MUL1: variants seen among roughly 807,000 people sequenced by gnomAD.
The protein encoded by MUL1 is mitochondrial ubiquitin ligase activator of NFKB 1.
Under a neutral mutation model 34.1 loss-of-function variants are expected in MUL1, and 30 were observed. The ratio of observed to expected loss-of-function variants is 0.88; its 90% CI spans 0.66 to 1.19. The LOEUF is 1.19. Ranked by LOEUF, MUL1 falls within the 50% of genes most tolerant of loss-of-function variation. The pLI is 0.00. For synonymous variants in MUL1, 191 were observed against 187.8 expected (o/e 1.02, Z -0.14); for missense variants, 419 against 450.5 (o/e 0.93, Z 0.63).
intron 1 of MUL1, among the ~76,000 whole-genome samples, chr1:20,506,645 T>A (rs1415300194): frequency 6.7e-6 from 1 of 149,822 alleles, no homozygotes; most frequent in Non-Finnish European, 1.5e-5. Context: ...AAGTCAGGAG[T>A]TGGAGACCAG....
rs1348193081 is a variant in MUL1, at chr1:20,507,163, C to T, written c.120+742G>A. On this transcript the variant is annotated intron_variant, in intron 1 of 3. Coordinates refer to ENST00000264198, the MANE Select transcript of MUL1 (RefSeq NM_024544.3). ...CCCGGGAGGCAGGGGCTGCAGTGAG[C>T]CCAGATCCCGCCACTGCACTCCAGC... 2.0e-5 allele frequency among the ~76,000 whole-genome samples: 3 copies of T among 152,156 alleles called. No homozygotes were observed. The East Asian group carries it at 5.8e-4, about 29-fold the overall frequency.
In MUL1 at chr1:20,501,070, C is replaced by G. The variant is rs1451145153; in HGVS notation, c.679G>C (p.Asp227His). ...GACTCCTGCCTCTGCAGCAGGCTGT[C>G]GAAGTCCTGGCTGCTTAGATAGTAC... ...MQYYLSSQDF[D>H]SLLQRQESSV... is the part of the protein sequence containing the mutation. Residue 227 changes from aspartate to histidine, a missense_variant, in exon 4 of 4, where the codon GAC (aspartate) becomes CAC (histidine). Asp to His is a moderately conservative substitution (Grantham distance 81, BLOSUM62 -1). Coordinates refer to ENST00000264198, the MANE Select transcript of MUL1 (RefSeq NM_024544.3). The surrounding 1 kb of genome is among the most constrained non-coding windows in gnomAD (Gnocchi z 4.2). 1 of 1,614,020 alleles carries G rather than the reference C, an allele frequency of 6.2e-7. No individual in the cohort carries two copies. Among genetic ancestry groups the G allele is most frequent in the Non-Finnish European group, 8.5e-7 (1 of 1,180,058 alleles).
Position 20,500,838 on chromosome 1 carries a change from A to G in MUL1, c.911T>C (p.Val304Ala), listed in dbSNP as rs767008568. Reference sequence around the variant, plus strand: ...GCAGGACTTGAAGCTGCTCAGACACACTACACAGGCGCTCTTCAGACTCTC... The same window carrying G: ...GCAGGACTTGAAGCTGCTCAGACACGCTACACAGGCGCTCTTCAGACTCTC... The part of the protein sequence containing the change: ...DRESLKSACV[V>A]CLSSFKSCVF... Residue 304 changes from valine (V) to alanine (A), a missense_variant, in exon 4 of 4, where the codon GTG becomes GCG. Transcript: ENST00000264198. 3 of 1,613,948 alleles carry G rather than the reference A, an allele frequency of 1.9e-6. No individual in the cohort carries two copies. The highest frequency in any genetic ancestry group is 3.3e-5 in the Admixed American group (2 of 59,996).
chr1:20,506,208 T>A (rs1457384447), intron 1 of MUL1, among the ~76,000 whole-genome samples: 1 of 152,214 alleles, frequency 6.6e-6, no homozygotes, highest in Non-Finnish European at 1.5e-5. Flanking sequence ...GGAATCCATC[T>A]TTCATATAAA....
Position 20,500,590 on chromosome 1 carries a change from A to G in MUL1, c.*100T>C. ...CCTCCCTCAATCATACCTGGAGGTG[A>G]CAGCTACCCCCACCACTGCTCCTCC... On this transcript the variant is annotated 3_prime_UTR_variant, in exon 4 of 4. Coordinates refer to ENST00000264198, the MANE Select transcript of MUL1 (RefSeq NM_024544.3). 6.3e-6 allele frequency: 9 copies of G among 1,432,590 alleles called. No individual in the cohort carries two copies. The South Asian group carries it at 7.1e-5, about 11-fold the overall frequency. The allele number at this position is 1,432,590 out of a possible 1,614,324, so 88.7% of individuals were successfully genotyped here.
In MUL1 at chr1:20,501,920, C is replaced by T. The variant is rs748168576; in HGVS notation, c.329+149G>A. The T allele has an allele frequency of 3.1e-5, 31 of 1,014,816 alleles. No homozygotes were observed. Among genetic ancestry groups the T allele is most frequent in the Admixed American group, 4.6e-5 (2 of 43,710 alleles). 62.9% of individuals were successfully genotyped at this position (1,014,816 alleles called of 1,614,324 possible). ...CGGTGATTCCGACATAGGAGGCCCA[C>T]AGGCTACACACAAGAATATGACCTG... On this transcript the variant is annotated intron_variant, in intron 3 of 3. Transcript: ENST00000264198. The surrounding 1 kb of genome is among the most constrained non-coding windows in gnomAD (Gnocchi z 4.2).
At chr1:20,502,741 C>A (rs1250372403) in intron 2 of MUL1, among the ~76,000 whole-genome samples, 2 of 152,144 alleles carry the variant, frequency 1.3e-5, no homozygotes, top group Non-Finnish European at 2.9e-5. Flanking sequence ...ATCATGTCGA[C>A]CAGGCTGGTC....
rs1264399567 is a variant in MUL1 at position 20,500,860 on chromosome 1, T to C, written c.889A>G (p.Ser297Gly). The change falls in exon 4 of 4, where the codon AGT (serine) becomes GGT (glycine). Residue 297 changes from serine (S) to glycine (G), a missense_variant. Transcript: ENST00000264198. ...CACACTACACAGGCGCTCTTCAGAC[T>C]CTCCCTGTCCTCAGGCTTGGCTCGG... is the stretch of plus-strand genomic sequence containing the variant. ...LSRAKPEDRE[S>G]LKSACVVCLS... 4.3e-6 allele frequency: 7 copies of C among 1,614,134 alleles called. No individual in the cohort carries two copies. Among genetic ancestry groups the C allele is most frequent in the Non-Finnish European group, 5.1e-6 (6 of 1,180,004 alleles).
rs769949263 is a variant in MUL1, at chr1:20,507,986, G to C, written c.39C>G (p.Ile13Met). 3.1e-6 allele frequency: 5 copies of C among 1,591,826 alleles called. No individual in the cohort carries two copies. The highest frequency in any genetic ancestry group is 3.3e-4 in the Middle Eastern group (2 of 6,006). Reference sequence around the variant, plus strand: ...TGACCACAGAGGTGGTGCCCAGGAGGATGAACTGGCACAGCGAGGGCCGCC... The same window carrying C: ...TGACCACAGAGGTGGTGCCCAGGAGCATGAACTGGCACAGCGAGGGCCGCC... ...SGGRPSLCQF[I>M]LLGTTSVVTA... is the part of the protein sequence containing the mutation. The change falls in exon 1 of 4, where the codon ATC becomes ATG. Residue 13 changes from isoleucine (I) to methionine (M), a missense_variant. Ile to Met is a conservative substitution (Grantham distance 10). Transcript: ENST00000264198.
chr1:20,505,657 A>C lies in MUL1; in HGVS notation c.120+2248T>G, dbSNP rs564617183. Among the ~76,000 whole-genome samples, 83 of 151,562 alleles carry C rather than the reference A, an allele frequency of 5.5e-4. 1 individual carries two copies. The highest frequency in any genetic ancestry group is 6.3e-4 in the Non-Finnish European group (43 of 67,872). Reference sequence around the variant, plus strand: ...AAGAAAGAAATGAAGGACAGGAAGGAAGGCCAAAGAGAAAGAAAAGGAAGG... The same window carrying C: ...AAGAAAGAAATGAAGGACAGGAAGGCAGGCCAAAGAGAAAGAAAAGGAAGG... On this transcript the variant is annotated intron_variant, in intron 1 of 3. Transcript: ENST00000264198.
At chr1:20,505,111 C>A (rs1427214745) in intron 1 of MUL1, among the ~76,000 whole-genome samples, 1 of 152,140 alleles carries the variant, frequency 6.6e-6, no homozygotes, top group Non-Finnish European at 1.5e-5. Context: ...CCATAAAGGA[C>A]AGGGAAAATG....
In MUL1 at chr1:20,501,060, A is replaced by G. The variant is rs1417363998; in HGVS notation, c.689T>C (p.Leu230Pro). Residue 230 changes from leucine to proline, a missense_variant, in exon 4 of 4, where the codon CTG becomes CCG. Leu to Pro is a moderately conservative substitution (Grantham distance 98, BLOSUM62 -3). Coordinates refer to ENST00000264198, the MANE Select transcript of MUL1 (RefSeq NM_024544.3). This position sits in a 1 kb window ranked among gnomAD's most constrained non-coding sequence, Gnocchi z 4.2. ...YLSSQDFDSL[L>P]QRQESSVRLW... ...CCTGACGCTCGACTCCTGCCTCTGCAGCAGGCTGTCGAAGTCCTGGCTGCT... is the reference window on the plus strand; with the variant it reads ...CCTGACGCTCGACTCCTGCCTCTGCGGCAGGCTGTCGAAGTCCTGGCTGCT... 2.5e-6 allele frequency: 4 copies of G among 1,614,044 alleles called. No individual in the cohort carries two copies. The Admixed American group carries it at 5.0e-5, about 20-fold the overall frequency.
chr1:20,499,593 C>G lies in MUL1; in HGVS notation c.*1097G>C, dbSNP rs1318853422. The G allele has an allele frequency of 6.6e-6, 1 of 152,196 alleles. No individual in the cohort carries two copies. Among genetic ancestry groups the G allele is most frequent in the East Asian group, 1.9e-4 (1 of 5,194 alleles). The allele number at this position is 152,196 out of a possible 1,614,324, so 9.4% of individuals were successfully genotyped here. A position where few individuals can be genotyped will look rare whatever the true frequency, so the allele number is the denominator to read the frequency against. On this transcript the variant is annotated 3_prime_UTR_variant, in exon 4 of 4. Coordinates refer to ENST00000264198, the MANE Select transcript of MUL1 (RefSeq NM_024544.3). ...GCAGAAAAGGGCAATAAAAAAAGAGCTGTGTATGTGACCTCCAACTACTCA... is the reference window on the plus strand; with the variant it reads ...GCAGAAAAGGGCAATAAAAAAAGAGGTGTGTATGTGACCTCCAACTACTCA...
rs138041801 is a variant in MUL1, at chr1:20,502,077, G to T, written c.321C>A (p.Thr107=). Reference sequence around the variant, plus strand: ...GGAGAAGTGATACATACCAAAGGTGGGTGGTTCGATTCCACACCATCTTGT... The same window carrying T: ...GGAGAAGTGATACATACCAAAGGTGTGTGGTTCGATTCCACACCATCTTGT... ...QEHKMVWNRT[T]HLWNDCSKII... The change falls in exon 3 of 4, where the codon ACC becomes ACA. Residue 107 remains threonine (T), a synonymous_variant. Transcript: ENST00000264198. 58 of 1,613,536 alleles carry T rather than the reference G, an allele frequency of 3.6e-5. No individual in the cohort carries two copies. Among genetic ancestry groups the T allele is most frequent in the Admixed American group, 5.0e-5 (3 of 60,000 alleles).
rs376018959 is a variant in MUL1 at position 20,500,953 on chromosome 1, G to A, written c.796C>T (p.Arg266Trp). Residue 266 changes from arginine to tryptophan, a missense_variant, in exon 4 of 4, where the codon CGG (arginine) becomes TGG (tryptophan). Coordinates refer to ENST00000264198, the MANE Select transcript of MUL1 (RefSeq NM_024544.3). ...FFILRKQYLQ[R>W]QERLRLKQMQ... ...TGCTTGAGGCGCAGGCGCTCCTGCC[G>A]CTGCAGATACTGCTTCCGGAGAATG... 1.4e-5 allele frequency: 23 copies of A among 1,613,932 alleles called. No individual in the cohort carries two copies. Among genetic ancestry groups the A allele is most frequent in the Middle Eastern group, 1.6e-4 (1 of 6,084 alleles).
chr1:20,499,908 T>C lies in MUL1; in HGVS notation c.*782A>G, dbSNP rs2051635949. The C allele has an allele frequency of 6.6e-6, 1 of 152,216 alleles. No individual in the cohort carries two copies. The highest frequency in any genetic ancestry group is 2.4e-5 in the African/African-American group (1 of 41,420). 9.4% of individuals were successfully genotyped at this position (152,216 alleles called of 1,614,324 possible). A position where few individuals can be genotyped will look rare whatever the true frequency, so the allele number is the denominator to read the frequency against. ...AGGAGGCGAGGCCTCTGCGCCTCAT[T>C]CTCCAGGAGGGAAAACCAGGGACCA... On this transcript the variant is annotated 3_prime_UTR_variant, in exon 4 of 4. Coordinates refer to ENST00000264198, the MANE Select transcript of MUL1 (RefSeq NM_024544.3).
Position 20,500,643 on chromosome 1 carries a change from A to G in MUL1, c.*47T>C. The G allele has an allele frequency of 1.3e-6, 2 of 1,513,448 alleles. No homozygotes were observed. The highest frequency in any genetic ancestry group is 1.8e-6 in the Non-Finnish European group (2 of 1,131,804). 93.8% of individuals were successfully genotyped at this position (1,513,448 alleles called of 1,614,324 possible). Reference sequence around the variant, plus strand: ...AGGCCTCGAGATAAAAATCCCTGAAAAGGGGGCAGGGGTGCTTCCAGGTCA... The same window carrying G: ...AGGCCTCGAGATAAAAATCCCTGAAGAGGGGGCAGGGGTGCTTCCAGGTCA... On this transcript the variant is annotated 3_prime_UTR_variant, in exon 4 of 4. Coordinates refer to ENST00000264198, the MANE Select transcript of MUL1 (RefSeq NM_024544.3).
At chr1:20,505,473 C>T (rs190925582) in intron 1 of MUL1, among the ~76,000 whole-genome samples, 63 of 149,578 alleles carry the variant, frequency 4.2e-4, no homozygotes, top group African/African-American at 1.5e-3. Flanking sequence ...GTCCTAGCTA[C>T]TTAGGAGGCT....
At position 20,501,424 on chromosome 1, in the gene MUL1, A is replaced by T; in HGVS notation, c.330-5T>A. 6.2e-7 allele frequency: 1 copy of T among 1,609,022 alleles called. No homozygotes were observed. The highest frequency in any genetic ancestry group is 2.2e-5 in the East Asian group (1 of 44,776). On this transcript the variant is annotated splice_polypyrimidine_tract_variant and splice_region_variant and intron_variant, in intron 3 of 3. Coordinates refer to ENST00000264198, the MANE Select transcript of MUL1 (RefSeq NM_024544.3). The surrounding 1 kb of genome is among the most constrained non-coding windows in gnomAD (Gnocchi z 4.2). ...ATGATCTTTGAGCAATCATTCCTAG[A>T]AGAATAAGAGAACTAAAGATACAGG...
Sources: allele counts gnomAD v4.1 joint callset (sites outside exome capture counted in the v4.1 genomes callset), GRCh38; gene constraint gnomAD v4.1.1; non-coding constraint Gnocchi (gnomAD v3.1); transcripts MANE v1.5; gene names NCBI Gene and HGNC (gene_info 2026-07-23, HGNC 2026-07-21).